Variants in SIM1 observed in about 807,000 individuals in gnomAD.
SIM1 encodes single-minded homolog 1.
A neutral mutation model predicts 78.2 loss-of-function variants in SIM1; 18 were observed. The observed-to-expected ratio is 0.23, with a 90% confidence interval of 0.16 to 0.34. The LOEUF is 0.34. Among genes scored for constraint, SIM1 ranks in the 10% least tolerant of loss-of-function variants. The probability of loss-of-function intolerance (pLI) is 1.00; values close to 1 mark genes in which losing one functional copy is unlikely to be tolerated. For missense variants in SIM1, 939 were observed against 975.1 expected (o/e 0.96, Z 0.49); for synonymous variants, 417 against 385.2 (o/e 1.08, Z -0.97).
chr6:100,412,274 C>T (rs192381840), intron 10 of SIM1, among the ~76,000 whole-genome samples: 15 of 152,126 alleles, frequency 9.9e-5, no homozygotes, highest in Admixed American at 7.2e-4. Flanking sequence ...TGGTAGCTTG[C>T]GCCTGTTATC....
intron 2 of SIM1, among the ~76,000 whole-genome samples, chr6:100,457,226 T>C (rs980365507): frequency 1.1e-4 from 16 of 152,368 alleles, no homozygotes; most frequent in African/African-American, 3.6e-4. Context: ...AAATTTTTCT[T>C]TATTTTAATA....
chr6:100,413,710 AG>A (rs1412544311), intron 10 of SIM1, among the ~76,000 whole-genome samples: 2 of 152,210 alleles, frequency 1.3e-5, no homozygotes, highest in Non-Finnish European at 2.9e-5. Flanking sequence ...ACAAACAAAA[AG>A]GTATACAATC....
intron 10 of SIM1, among the ~76,000 whole-genome samples, chr6:100,415,913 C>A (rs1200835581): frequency 6.6e-6 from 1 of 152,000 alleles, no homozygotes; most frequent in Non-Finnish European, 1.5e-5. Flanking sequence ...TACAATGGGC[C>A]CCAGTAAAAC....
intron 9 of SIM1, among the ~76,000 whole-genome samples, chr6:100,431,188 A>G (rs189246858): frequency 4.6e-5 from 7 of 152,318 alleles, no homozygotes; most frequent in Admixed American, 4.6e-4. Flanking sequence ...ACAAATCTTC[A>G]TTTGTTTAAC....
intron 9 of SIM1, among the ~76,000 whole-genome samples, chr6:100,425,447 G>A (rs1000174752): frequency 6.6e-6 from 1 of 152,122 alleles, no homozygotes; most frequent in Non-Finnish European, 1.5e-5. Context: ...CAGTCACTCT[G>A]AGAGGAATTT....
chr6:100,448,316 C>A, intron 7 of SIM1, 64 bp from the exon 8 acceptor site: 1 of 1,414,440 alleles, frequency 7.1e-7, no homozygotes, highest in Non-Finnish European at 9.8e-7. Flanking sequence ...TCCCCACACA[C>A]CCTCGACAGC....
intron 10 of SIM1, among the ~76,000 whole-genome samples, chr6:100,398,653 T>C (rs926792692): frequency 1.3e-5 from 2 of 152,116 alleles, no homozygotes; most frequent in Non-Finnish European, 2.9e-5. Flanking sequence ...GTATATACCA[T>C]GATTTGTTTA....
At chr6:100,437,768 G>A (rs923608424) in intron 9 of SIM1, among the ~76,000 whole-genome samples, 6 of 152,136 alleles carry the variant, frequency 3.9e-5, no homozygotes, top group Non-Finnish European at 8.8e-5. Context: ...AAAATAGAGT[G>A]AGCCTGACCA....
intron 11 of SIM1, among the ~76,000 whole-genome samples, chr6:100,392,056 C>T (rs1770655442): frequency 6.6e-6 from 1 of 152,104 alleles, no homozygotes; most frequent in South Asian, 2.1e-4. Context: ...CCCCTATAAT[C>T]CCAGTTACTT....
rs956677850 is a variant in SIM1 at position 100,410,324 on chromosome 6, A to T, written c.1167+10466T>A. Among the ~76,000 whole-genome samples, 4 of 152,196 alleles carry T rather than the reference A, an allele frequency of 2.6e-5. No individual in the cohort carries two copies. The East Asian group carries it at 7.7e-4, about 29-fold the overall frequency. ...CTCTTCTTTTAAGCTGGGGAGCGGA[A>T]TCACAAATTGCAGCATCACTTCCAT... On this transcript the variant is annotated intron_variant, in intron 10 of 11. Coordinates refer to ENST00000369208, the MANE Select transcript of SIM1 (RefSeq NM_005068.3).
At chr6:100,412,265 G>A (rs781362807) in intron 10 of SIM1, among the ~76,000 whole-genome samples, 26 of 152,078 alleles carry the variant, frequency 1.7e-4, no homozygotes, top group Non-Finnish European at 2.9e-4. Flanking sequence ...GGCTGGGCAT[G>A]GTAGCTTGCG....
intron 10 of SIM1, among the ~76,000 whole-genome samples, chr6:100,410,924 C>A (rs1771173505): frequency 6.6e-6 from 1 of 152,044 alleles, no homozygotes; most frequent in East Asian, 1.9e-4. Context: ...GGAACATGAC[C>A]CTCACAAGGC....
chr6:100,427,230 A>T (rs1203828640), intron 9 of SIM1: 1 of 152,262 alleles, frequency 6.6e-6, no homozygotes, highest in Non-Finnish European at 1.5e-5. Flanking sequence ...GAATACTGCG[A>T]GGGGCTCACA....
intron 10 of SIM1, among the ~76,000 whole-genome samples, chr6:100,414,470 A>G (rs553220784): frequency 3.9e-4 from 59 of 152,378 alleles, no homozygotes; most frequent in Middle Eastern, 3.4e-3. Context: ...TTCATTTATG[A>G]AAACCATCTA....
In SIM1 at chr6:100,386,778, G is replaced by A. The variant is rs762094416; in HGVS notation, c.*3583C>T. 1 of 151,962 alleles carries A rather than the reference G, an allele frequency of 6.6e-6. No homozygotes were observed. The highest frequency in any genetic ancestry group is 1.5e-5 in the Non-Finnish European group (1 of 67,918). The allele number at this position is 151,962 out of a possible 1,614,324, so 9.4% of individuals were successfully genotyped here. ...GTGGTTTTTCTGTGTAAATACTGAA[G>A]GCAATCATTTATTGCATCCCGTCTC... On this transcript the variant is annotated 3_prime_UTR_variant, in exon 12 of 12. Transcript: ENST00000369208.
At chr6:100,434,728 G>T in intron 9 of SIM1, among the ~76,000 whole-genome samples, 1 of 152,102 alleles carries the variant, frequency 6.6e-6, no homozygotes, top group Non-Finnish European at 1.5e-5. Flanking sequence ...AAGGGACTTG[G>T]GTTTAAAAGC....
intron 10 of SIM1, among the ~76,000 whole-genome samples, chr6:100,410,391 G>T (rs980483477): frequency 6.6e-6 from 1 of 152,132 alleles, no homozygotes; most frequent in Non-Finnish European, 1.5e-5. Context: ...TAGCACAGTT[G>T]CTCCACCCGC....
Position 100,412,611 on chromosome 6 carries a change from GGAAAGAAAGAAGGAAAGAAAGAAAGA to G in SIM1, c.1167+8153_1167+8178del, listed in dbSNP as rs1562239656. Among the ~76,000 whole-genome samples, 44 of 67,648 alleles carry G rather than the reference GGAAAGAAAGAAGGAAAGAAAGAAAGA, an allele frequency of 6.5e-4. 3 individuals carry two copies. The highest frequency in any genetic ancestry group is 4.9e-3 in the East Asian group (5 of 1,018). The allele number at this position is 67,648 out of a possible 152,430, so 44.4% of individuals were successfully genotyped here. A position where few individuals can be genotyped will look rare whatever the true frequency, so the allele number is the denominator to read the frequency against. On this transcript the variant is annotated intron_variant, in intron 10 of 11. Transcript: ENST00000369208. ...AGAAAGAAAGAAAGAAAGAAAGAAA[GGAAAGAAAGAAGGAAAGAAAGAAAGA>G]AAAGAAAGAAAGAAAGAAAGAGAGA...
intron 10 of SIM1, among the ~76,000 whole-genome samples, chr6:100,413,555 C>T (rs1197234121): frequency 6.6e-6 from 1 of 152,130 alleles, no homozygotes; most frequent in Non-Finnish European, 1.5e-5. Context: ...ATCTAGCCAT[C>T]CATTTACTTA....
Sources: gnomAD v4.1 joint callset for allele counts (sites outside exome capture counted in the v4.1 genomes callset) on GRCh38, gnomAD v4.1.1 for gene constraint, MANE v1.5 for transcripts, NCBI Gene and HGNC (gene_info 2026-07-23, HGNC 2026-07-21) for gene names.